The following OR51E2 variants were observed in gnomAD, a reference collection of about 807,000 sequenced individuals.
OR51E2 encodes the protein olfactory receptor family 51 subfamily E member 2, also known as olfactory receptor 51E2.
A neutral mutation model predicts 13.7 loss-of-function variants in OR51E2; 14 were observed. That is an observed-to-expected ratio of 1.02 (90% CI 0.68 to 1.60). The LOEUF (loss-of-function observed/expected upper bound fraction) is 1.60, where lower values mean the gene tolerates loss of function less well. Ranked by LOEUF, OR51E2 falls within the 40% of genes most tolerant of loss-of-function variation. The pLI is 0.00. For synonymous variants in OR51E2, 180 were observed against 157.6 expected (o/e 1.14, Z -1.07); for missense variants, 483 against 413.8 (o/e 1.17, Z -1.45).
rs548635913 is a variant in OR51E2, at chr11:4,682,129, C to T, written c.583G>A (p.Val195Met). 1.9e-6 allele frequency: 3 copies of T among 1,614,244 alleles called. No individual in the cohort carries two copies. Among genetic ancestry groups the T allele is most frequent in the African/African-American group, 1.3e-5 (1 of 75,068 alleles). The stretch of plus-strand genomic sequence containing the variant: ...AGAATGGCAGTAAGACCATATACCA[C>T]ATTGGGCAAAGTGTCTGCATAGGCC... ...KLAYADTLPN[V>M]VYGLTAILLV... Residue 195 changes from valine (V) to methionine (M), a missense_variant, in exon 2 of 2, where the codon GTG becomes ATG. Coordinates refer to ENST00000396950, the MANE Select transcript of OR51E2 (RefSeq NM_030774.4).
At chr11:4,688,797 G>C (rs1376087397) in intron 1 of OR51E2, among the ~76,000 whole-genome samples, 1 of 152,160 alleles carries the variant, frequency 6.6e-6, no homozygotes, top group African/African-American at 2.4e-5. Context: ...CTAGAAGAAA[G>C]GGTCACCAGG....
intron 1 of OR51E2, among the ~76,000 whole-genome samples, chr11:4,683,341 T>C (rs1847479167): frequency 6.6e-6 from 1 of 152,164 alleles, no homozygotes; most frequent in African/African-American, 2.4e-5. Context: ...ATTTTCAGGA[T>C]TCCCAGTCCT....
intron 1 of OR51E2, among the ~76,000 whole-genome samples, chr11:4,695,287 T>A (rs535082513): frequency 6.6e-6 from 1 of 152,348 alleles, no homozygotes; most frequent in Non-Finnish European, 1.5e-5. Flanking sequence ...ACAAAATTCC[T>A]TTCCCTCTTT....
intron 1 of OR51E2, among the ~76,000 whole-genome samples, chr11:4,692,337 G>T (rs1005852276): frequency 1.3e-5 from 2 of 152,202 alleles, no homozygotes; most frequent in African/African-American, 4.8e-5. Flanking sequence ...GGAAGAGATG[G>T]TTAGAACACA....
In OR51E2 at chr11:4,680,285, A is replaced by G. The variant is rs879832442; in HGVS notation, c.*1464T>C. 1 of 152,230 alleles carries G rather than the reference A, an allele frequency of 6.6e-6. No individual in the cohort carries two copies. The highest frequency in any genetic ancestry group is 1.5e-5 in the Non-Finnish European group (1 of 68,040). 9.4% of individuals were successfully genotyped at this position (152,230 alleles called of 1,614,324 possible). A position where few individuals can be genotyped will look rare whatever the true frequency, so the allele number is the denominator to read the frequency against. ...CACATTAAAAAATGAAGACATGATCAAGGAGATGTAAGAGACAAATAGACA... is the reference window on the plus strand; with the variant it reads ...CACATTAAAAAATGAAGACATGATCGAGGAGATGTAAGAGACAAATAGACA... On this transcript the variant is annotated 3_prime_UTR_variant, in exon 2 of 2. Transcript: ENST00000396950.
intron 1 of OR51E2, among the ~76,000 whole-genome samples, chr11:4,688,231 G>C (rs1279555887): frequency 6.6e-6 from 1 of 152,102 alleles, no homozygotes; most frequent in African/African-American, 2.4e-5. Flanking sequence ...GTGAATTCAG[G>C]AGGAATTGAG....
chr11:4,683,824 G>T (rs151331692), intron 1 of OR51E2, among the ~76,000 whole-genome samples: 260 of 152,302 alleles, frequency 1.7e-3, no homozygotes, highest in South Asian at 3.5e-3. Context: ...TCTCTGCTAG[G>T]TTGCCTAGGT....
chr11:4,685,537 T>C (rs906261917), intron 1 of OR51E2, among the ~76,000 whole-genome samples: 2 of 152,238 alleles, frequency 1.3e-5, no homozygotes, highest in African/African-American at 4.8e-5. Context: ...CAATTCTCCA[T>C]ATCTTTCCCT....
At chr11:4,691,296 AT>A (rs772455938) in intron 1 of OR51E2, 10 of 457,232 alleles carry the variant, frequency 2.2e-5, no homozygotes, top group South Asian at 1.5e-4. Context: ...AGTTAAAATC[AT>A]GGCATACCTA....
intron 1 of OR51E2, among the ~76,000 whole-genome samples, chr11:4,683,969 C>T (rs567581433): frequency 6.6e-6 from 1 of 152,342 alleles, no homozygotes; most frequent in Non-Finnish European, 1.5e-5. Context: ...TTATATTGCA[C>T]TCCCCCAACC....
At chr11:4,695,450 C>T (rs1847644455) in intron 1 of OR51E2, among the ~76,000 whole-genome samples, 2 of 152,164 alleles carry the variant, frequency 1.3e-5, no homozygotes, top group South Asian at 2.1e-4. Context: ...TCATAATTAG[C>T]CTTGTGCTTT....
chr11:4,693,497 G>A (rs373399079), intron 1 of OR51E2, among the ~76,000 whole-genome samples: 65 of 152,248 alleles, frequency 4.3e-4, no homozygotes, highest in South Asian at 2.1e-3. Flanking sequence ...CGAGGTGGGC[G>A]GATCACGAGG....
chr11:4,683,754 G>T (rs529422810), intron 1 of OR51E2, among the ~76,000 whole-genome samples: 8 of 152,298 alleles, frequency 5.3e-5, no homozygotes, highest in East Asian at 3.9e-4. Flanking sequence ...GCCCAGTGTT[G>T]CTTTGCCCCA....
In OR51E2 at chr11:4,682,086, T is replaced by C. The variant is rs755491293; in HGVS notation, c.626A>G (p.Asp209Gly). The change falls in exon 2 of 2, where the codon GAC becomes GGC. Residue 209 changes from aspartate (D) to glycine (G), a missense_variant. Transcript: ENST00000396950. ...LTAILLVMGV[D>G]VMFISLSYFL... ...ATAGGACAAGGAGATGAACATTACG[T>C]CCACGCCCATGACCAGCAGAATGGC... 1 of 1,614,154 alleles carries C rather than the reference T, an allele frequency of 6.2e-7. No homozygotes were observed. The highest frequency in any genetic ancestry group is 8.5e-7 in the Non-Finnish European group (1 of 1,180,028).
chr11:4,690,654 C>A (rs1589874161), intron 1 of OR51E2: 1 of 324,736 alleles, frequency 3.1e-6, no homozygotes, highest in East Asian at 8.4e-5. Context: ...ATGTGCTTAG[C>A]TTCAATGGGC....
chr11:4,693,988 C>T (rs945368488), intron 1 of OR51E2, among the ~76,000 whole-genome samples: 9 of 152,090 alleles, frequency 5.9e-5, no homozygotes, highest in African/African-American at 2.2e-4. Flanking sequence ...TACAGAGGGG[C>T]TCCATTTATG....
rs1445932934 is a variant in OR51E2, at chr11:4,681,903, A to G, written c.809T>C (p.Ile270Thr). ...VHRFGNSLHP[I>T]VRVVMGDIYL... ...GATGTCACCCATGACAACACGCACA[A>G]TGGGATGAAGGCTGTTTCCAAAGCG... Residue 270 changes from isoleucine to threonine, a missense_variant, in exon 2 of 2, where the codon ATT becomes ACT. Ile to Thr is a moderately conservative substitution (Grantham distance 89). Transcript: ENST00000396950. 1.2e-6 allele frequency: 2 copies of G among 1,614,198 alleles called. No individual in the cohort carries two copies. Among genetic ancestry groups the G allele is most frequent in the South Asian group, 1.1e-5 (1 of 91,074 alleles).
Position 4,680,997 on chromosome 11 carries a change from C to G in OR51E2, c.*752G>C, listed in dbSNP as rs1197385166. Reference sequence around the variant, plus strand: ...CAAGCGATTCTCCCACCTCAGCTTTCCAGGCAGTGGGGGCTATAGGTGCAC... The same window carrying G: ...CAAGCGATTCTCCCACCTCAGCTTTGCAGGCAGTGGGGGCTATAGGTGCAC... On this transcript the variant is annotated 3_prime_UTR_variant, in exon 2 of 2. Coordinates refer to ENST00000396950, the MANE Select transcript of OR51E2 (RefSeq NM_030774.4). The G allele has an allele frequency of 6.6e-6, 1 of 152,482 alleles. No homozygotes were observed. 9.4% of individuals were successfully genotyped at this position (152,482 alleles called of 1,614,324 possible).
In OR51E2 at chr11:4,682,352, G is replaced by A; in HGVS notation, c.360C>T (p.Asp120=). The A allele has an allele frequency of 6.2e-6, 10 of 1,614,200 alleles. No homozygotes were observed. The highest frequency in any genetic ancestry group is 1.1e-5 in the South Asian group (1 of 91,080). Residue 120 remains aspartate, a synonymous_variant, in exon 2 of 2, where the codon GAC becomes GAT. Transcript: ENST00000396950. ...GTGGGTGGCAGATGGCCACATAACGGTCAAAGGCCATGGCCAGCAGGATGG... is the reference window on the plus strand; with the variant it reads ...GTGGGTGGCAGATGGCCACATAACGATCAAAGGCCATGGCCAGCAGGATGG... ...ESTILLAMAF[D]RYVAICHPLR...
Sources: gnomAD v4.1 joint callset for allele counts (sites outside exome capture counted in the v4.1 genomes callset) on GRCh38, gnomAD v4.1.1 for gene constraint, MANE v1.5 for transcripts, NCBI Gene and HGNC (gene_info 2026-07-23, HGNC 2026-07-21) for gene names.